Variants in SMCHD1 observed in about 807,000 individuals in gnomAD.
SMCHD1 encodes the protein structural maintenance of chromosomes flexible hinge domain-containing protein 1.
Under a neutral mutation model 254.7 loss-of-function variants are expected in SMCHD1, and 78 were observed. The observed-to-expected ratio is 0.31, with a 90% CI of 0.26 to 0.37. The LOEUF is 0.37. Among genes scored for constraint, SMCHD1 ranks in the 10% least tolerant of loss-of-function variants. The pLI, the probability that SMCHD1 is intolerant of heterozygous loss-of-function variation, is 1.00. For missense variants in SMCHD1, 1,840 were observed against 2,408.1 expected (o/e 0.76, Z 4.94); for synonymous variants, 766 against 794.9 (o/e 0.96, Z 0.61).
chr18:2,666,752 G>A (rs2073450355), intron 2 of SMCHD1, 118 bp from the exon 3 acceptor site: 1 of 768,646 alleles, frequency 1.3e-6, no homozygotes, highest in Non-Finnish European at 2.0e-6. Context: ...GATGATTGGG[G>A]GTTTTTCTTT....
chr18:2,706,381 T>A lies in SMCHD1; in HGVS notation c.1974T>A (p.Tyr658Ter). ...VQIAMEPQALYDEVRTVPIAK... is the reference protein window; with the variant it reads ...VQIAMEPQAL ...TTATTCAGGAACCTCAGGCACTATA[T>A]GATGAAGTAAGAACTGTGCCAATTG... Residue 658 changes from tyrosine (Y) to a stop codon, truncating the protein, a stop_gained, in exon 15 of 48, where the codon TAT (tyrosine) becomes TAA (stop). Transcript: ENST00000320876. LOFTEE classifies it high-confidence loss of function. 6.3e-7 allele frequency: 1 copy of A among 1,582,940 alleles called. No homozygotes were observed.
chr18:2,755,800 A>G (rs113902968), intron 34 of SMCHD1, among the ~76,000 whole-genome samples: 133 of 150,996 alleles, frequency 8.8e-4, no homozygotes, highest in African/African-American at 3.1e-3. Flanking sequence ...ATCTTCTGAC[A>G]TTGTGATCCA....
At chr18:2,745,886 TTTTTCTAAG>T (rs2075445184) in intron 29 of SMCHD1, among the ~76,000 whole-genome samples, 1 of 152,212 alleles carries the variant, frequency 6.6e-6, no homozygotes, top group South Asian at 2.1e-4. Context: ...TGATATCTAA[TTTTTCTAAG>T]TTTTCTAATT....
chr18:2,675,727 G>T (rs1004198888), intron 5 of SMCHD1, among the ~76,000 whole-genome samples: 1 of 152,124 alleles, frequency 6.6e-6, no homozygotes, highest in African/African-American at 2.4e-5. Flanking sequence ...TAGAACAGAT[G>T]GTAGATTAGG....
chr18:2,672,877 T>C (rs1241422882), intron 3 of SMCHD1, among the ~76,000 whole-genome samples: 8 of 151,842 alleles, frequency 5.3e-5, no homozygotes, highest in Non-Finnish European at 1.0e-4. Context: ...AAGACACTTA[T>C]TATCACTTCA....
chr18:2,736,018 G>A (rs2075242177), intron 25 of SMCHD1, among the ~76,000 whole-genome samples: 1 of 152,172 alleles, frequency 6.6e-6, no homozygotes, highest in African/African-American at 2.4e-5. Context: ...GTTCTGCAGA[G>A]CTACAGTAAC....
chr18:2,768,615 CTA>C (rs1273333444), intron 37 of SMCHD1, among the ~76,000 whole-genome samples: 2 of 120,164 alleles, frequency 1.7e-5, no homozygotes, highest in African/African-American at 5.5e-5. Context: ...GTATAGTGTA[CTA>C]TATACTATAC....
At chr18:2,750,233 G>T in intron 31 of SMCHD1, 111 bp downstream of exon 31, 1 of 1,397,466 alleles carries the variant, frequency 7.2e-7, no homozygotes, top group South Asian at 1.3e-5. Flanking sequence ...GGCAAGAGTT[G>T]GGACTGAATA....
chr18:2,727,266 C>T (rs901295843), intron 22 of SMCHD1: 3 of 152,112 alleles, frequency 2.0e-5, no homozygotes, highest in Non-Finnish European at 4.4e-5. Context: ...AGTTTTAACT[C>T]TCATATGAAA....
At chr18:2,752,908 TGGA>T (rs1418630782) in intron 34 of SMCHD1, 1 of 188,164 alleles carries the variant, frequency 5.3e-6, no homozygotes, top group East Asian at 1.7e-4. Flanking sequence ...TGCTTCATTC[TGGA>T]CCTCCATTTT....
At chr18:2,781,412 G>T (rs1453477652) in intron 44 of SMCHD1, among the ~76,000 whole-genome samples, 1 of 152,132 alleles carries the variant, frequency 6.6e-6, no homozygotes, top group Non-Finnish European at 1.5e-5. Flanking sequence ...TTCATGTGCT[G>T]GACTAGTAGT....
rs1314502177 is a variant in SMCHD1 at position 2,694,689 on chromosome 18, T to C, written c.1036T>C (p.Leu346=). The C allele has an allele frequency of 6.2e-7, 1 of 1,609,946 alleles. No individual in the cohort carries two copies. Among genetic ancestry groups the C allele is most frequent in the Admixed American group, 1.7e-5 (1 of 58,620 alleles). Residue 346 remains leucine (L), a synonymous_variant, in exon 8 of 48, where the codon TTA becomes CTA. Transcript: ENST00000320876. ...KNYFHLWTRQ[L]AHIYHYYIHG... Reference sequence around the variant, plus strand: ...TTATTTCCACCTTTGGACACGACAGTTAGCGTAAGTAATTATATTTGGCTT... The same window carrying C: ...TTATTTCCACCTTTGGACACGACAGCTAGCGTAAGTAATTATATTTGGCTT...
In SMCHD1 at chr18:2,718,147, CT is replaced by C; in HGVS notation, c.2261-7del. The C allele has an allele frequency of 6.3e-6, 10 of 1,588,678 alleles. No individual in the cohort carries two copies. Among genetic ancestry groups the C allele is most frequent in the Non-Finnish European group, 8.6e-6 (10 of 1,165,794 alleles). On this transcript the variant is annotated splice_polypyrimidine_tract_variant and intron_variant, in intron 17 of 47. Transcript: ENST00000320876. This position sits in a 1 kb window ranked among gnomAD's most constrained non-coding sequence, Gnocchi z 4.6. ...CTCAAGACACTATTGTTTCTTTTTT[CT>C]TTTATTAAGCTTCAAGTGGAAATAA...
At chr18:2,753,509 T>C (rs1174044331) in intron 34 of SMCHD1, among the ~76,000 whole-genome samples, 1 of 152,188 alleles carries the variant, frequency 6.6e-6, no homozygotes, top group East Asian at 1.9e-4. Context: ...AGATGTTAAA[T>C]ATAGATGTTA....
At chr18:2,719,200 C>A (rs1212591625) in intron 19 of SMCHD1, among the ~76,000 whole-genome samples, 4 of 150,680 alleles carry the variant, frequency 2.7e-5, no homozygotes, top group Non-Finnish European at 4.4e-5. Flanking sequence ...TTTTCTTTTT[C>A]TCTCCTTTTC....
chr18:2,740,405 A>G (rs1472813756), intron 27 of SMCHD1, among the ~76,000 whole-genome samples: 5 of 152,086 alleles, frequency 3.3e-5, no homozygotes, highest in Admixed American at 2.6e-4. Flanking sequence ...ATGGATTCCT[A>G]TGTATTTTTT....
intron 41 of SMCHD1, among the ~76,000 whole-genome samples, chr18:2,774,886 G>A (rs931167232): frequency 1.3e-5 from 2 of 152,210 alleles, no homozygotes; most frequent in Non-Finnish European, 2.9e-5. Flanking sequence ...GCTTGTTGAT[G>A]ATTGGGTGTT....
chr18:2,698,934 A>G (rs549524568), intron 10 of SMCHD1, among the ~76,000 whole-genome samples: 7 of 151,982 alleles, frequency 4.6e-5, no homozygotes, highest in African/African-American at 9.7e-5. Flanking sequence ...CATTTTCACT[A>G]TTGTTCCTTT....
chr18:2,784,589 C>T lies in SMCHD1; in HGVS notation c.5687C>T (p.Pro1896Leu). The part of the protein sequence containing the change: ...LRGMVFGAPV[P>L]KQCLILGEQI... Reference sequence around the variant, plus strand: ...GGAATGGTATTTGGAGCTCCAGTTCCAAAACAGTGTCTGATCTTAGGGGAA... The same window carrying T: ...GGAATGGTATTTGGAGCTCCAGTTCTAAAACAGTGTCTGATCTTAGGGGAA... The change falls in exon 45 of 48, where the codon CCA becomes CTA. Residue 1896 changes from proline (P) to leucine (L), a missense_variant. Pro to Leu is a moderately conservative substitution (Grantham distance 98). Transcript: ENST00000320876. 1 of 1,605,814 alleles carries T rather than the reference C, an allele frequency of 6.2e-7. No individual in the cohort carries two copies. Among genetic ancestry groups the T allele is most frequent in the Non-Finnish European group, 8.5e-7 (1 of 1,177,116 alleles).
Sources: allele counts gnomAD v4.1 joint callset (sites outside exome capture counted in the v4.1 genomes callset), GRCh38; gene constraint gnomAD v4.1.1; non-coding constraint Gnocchi (gnomAD v3.1); transcripts MANE v1.5; gene names NCBI Gene and HGNC (gene_info 2026-07-23, HGNC 2026-07-21).